IKBKB: variants seen among roughly 807,000 people sequenced by gnomAD.
The protein encoded by IKBKB is inhibitor of nuclear factor kappa B kinase subunit beta, also known as inhibitor of nuclear factor kappa-B kinase subunit beta.
A neutral mutation model predicts 113.6 loss-of-function variants in IKBKB; 42 were observed. The ratio of observed to expected loss-of-function variants is 0.37; its 90% CI spans 0.29 to 0.48. The LOEUF is 0.48. Among genes scored for constraint, IKBKB ranks in the 20% least tolerant of loss-of-function variants. IKBKB has a pLI of 0.99. For synonymous variants in IKBKB, 296 were observed against 361.3 expected, an observed-to-expected ratio of 0.82 and a Z score of 2.05; for missense variants, 673 against 939.7, an observed-to-expected ratio of 0.72 and a Z score of 3.71.
intron 8 of IKBKB, 81 bp downstream of exon 8, chr8:42,309,106 C>T: frequency 6.9e-7 from 1 of 1,441,688 alleles, no homozygotes; most frequent in Non-Finnish European, 9.5e-7. Flanking sequence ...CCCTGGCGCC[C>T]CATCACCGGG....
intron 20 of IKBKB, among the ~76,000 whole-genome samples, chr8:42,327,632 CTTTTTTT>C (rs746891907): frequency 2.4e-5 from 3 of 122,852 alleles, no homozygotes; most frequent in Non-Finnish European, 3.4e-5. Context: ...TGCACCCAGC[CTTTTTTT>C]TTTTTTTTTT....
intron 8 of IKBKB, among the ~76,000 whole-genome samples, chr8:42,312,828 A>G (rs569410445): frequency 3.1e-4 from 47 of 152,326 alleles, no homozygotes; most frequent in African/African-American, 1.1e-3. Flanking sequence ...CCACTTGCCA[A>G]TGAGAATTGT....
chr8:42,325,476 C>T lies in IKBKB; in HGVS notation c.1987-494C>T, dbSNP rs778820848. The stretch of plus-strand genomic sequence containing the variant: ...GGCAGATCACCTGAGGTCAGGAGTT[C>T]GAGACCAGCCTGGCCAATATGGTGA... On this transcript the variant is annotated intron_variant, in intron 19 of 21. Coordinates refer to ENST00000520810, the MANE Select transcript of IKBKB (RefSeq NM_001556.3). 5 of 833,538 alleles carry T rather than the reference C, an allele frequency of 6.0e-6. No homozygotes were observed. In the South Asian group the frequency reaches 1.6e-4, roughly 27 times the overall value. The allele number at this position is 833,538 out of a possible 1,614,324, so 51.6% of individuals were successfully genotyped here. A position where few individuals can be genotyped will look rare whatever the true frequency, so the allele number is the denominator to read the frequency against.
chr8:42,303,119 A>AGAG (rs1563331980), intron 5 of IKBKB, among the ~76,000 whole-genome samples: 1 of 83,580 alleles, frequency 1.2e-5, no homozygotes, highest in Admixed American at 1.2e-4. Context: ...GAGAGAGAGA[A>AGAG]TGAGAGAGAG....
chr8:42,312,872 G>A (rs1817981068), intron 8 of IKBKB, among the ~76,000 whole-genome samples: 1 of 152,178 alleles, frequency 6.6e-6, no homozygotes, highest in South Asian at 2.1e-4. Context: ...GAATTTCCTA[G>A]ATGTTTTGAG....
At chr8:42,275,126 C>T (rs1226130128) in intron 2 of IKBKB, among the ~76,000 whole-genome samples, 2 of 152,030 alleles carry the variant, frequency 1.3e-5, no homozygotes, top group Non-Finnish European at 2.9e-5. Context: ...ATCTGCCTGC[C>T]TCGGCCTCCC....
chr8:42,322,289 A>G, intron 18 of IKBKB, 58 bp from the exon 19 acceptor site: 2 of 1,607,664 alleles, frequency 1.2e-6, no homozygotes, highest in Non-Finnish European at 1.7e-6. Flanking sequence ...CACAGCTGCC[A>G]CAGGTTCTGC....
chr8:42,329,853 A>G (rs1021842096), intron 21 of IKBKB: 2 of 985,260 alleles, frequency 2.0e-6, no homozygotes, highest in African/African-American at 3.5e-5. Context: ...ATCCTGCATC[A>G]TTTGCTTAGA....
chr8:42,319,840 A>T (rs1013664270), intron 15 of IKBKB, 194 bp downstream of exon 15: 4 of 553,140 alleles, frequency 7.2e-6, no homozygotes, highest in Non-Finnish European at 1.3e-5. Context: ...CTGTGGCCAG[A>T]TGCAAGAGCT....
In IKBKB at chr8:42,307,567, T is replaced by C. The variant is rs578225049; in HGVS notation, c.567+1135T>C. 7.8e-4 allele frequency among the ~76,000 whole-genome samples: 119 copies of C among 152,216 alleles called. 1 individual carries two copies. The highest frequency in any genetic ancestry group is 7.5e-4 in the Non-Finnish European group (51 of 68,002). ...CACAAATGCCCAGCAAGACTTGTCA[T>C]AGGTTGCTTGATGATGGCAGTAGCC... is the stretch of plus-strand genomic sequence containing the variant. On this transcript the variant is annotated intron_variant, in intron 7 of 21. Transcript: ENST00000520810.
intron 5 of IKBKB, among the ~76,000 whole-genome samples, chr8:42,294,092 C>G (rs1019623134): frequency 2.0e-5 from 3 of 152,192 alleles, no homozygotes; most frequent in African/African-American, 4.8e-5. Context: ...GGGCTGGGCG[C>G]TAAAGGTCAG....
chr8:42,319,899 G>T, intron 15 of IKBKB: 1 of 417,872 alleles, frequency 2.4e-6, no homozygotes, highest in East Asian at 3.7e-5. Flanking sequence ...GCAAGGGTTA[G>T]GTTCCCTTGG....
intron 8 of IKBKB, among the ~76,000 whole-genome samples, chr8:42,313,144 C>T (rs1818040673): frequency 6.6e-6 from 1 of 152,092 alleles, no homozygotes; most frequent in Non-Finnish European, 1.5e-5. Flanking sequence ...GATTTGAAGC[C>T]ATTTGTATGT....
rs1215859349 is a variant in IKBKB, at chr8:42,316,202, C to T, written c.801-8C>T. The T allele has an allele frequency of 2.5e-6, 4 of 1,613,828 alleles. No individual in the cohort carries two copies. Among genetic ancestry groups the T allele is most frequent in the East Asian group, 2.2e-5 (1 of 44,888 alleles). On this transcript the variant is annotated splice_polypyrimidine_tract_variant and splice_region_variant and intron_variant, in intron 9 of 21. Transcript: ENST00000520810. This position sits in a 1 kb window ranked among gnomAD's most constrained non-coding sequence, Gnocchi z 4.5. ...GTGTCTCCTCACACACTATGCTCCT[C>T]TCCACAGTGTCCTGGCTGAGCGACT...
Position 42,331,092 on chromosome 8 carries a change from T to C in IKBKB, c.*113T>C. 1 of 1,528,324 alleles carries C rather than the reference T, an allele frequency of 6.5e-7. No homozygotes were observed. The highest frequency in any genetic ancestry group is 8.9e-7 in the Non-Finnish European group (1 of 1,126,684). The allele number at this position is 1,528,324 out of a possible 1,614,324, so 94.7% of individuals were successfully genotyped here. Reference sequence around the variant, plus strand: ...TGGAGCAGGCCGCGTGACGTGGGGCTGCCTGGCCGCGGCTCTCACATGGTG... The same window carrying C: ...TGGAGCAGGCCGCGTGACGTGGGGCCGCCTGGCCGCGGCTCTCACATGGTG... On this transcript the variant is annotated 3_prime_UTR_variant, in exon 22 of 22. Coordinates refer to ENST00000520810, the MANE Select transcript of IKBKB (RefSeq NM_001556.3).
intron 2 of IKBKB, among the ~76,000 whole-genome samples, chr8:42,277,735 T>C (rs932373683): frequency 6.6e-6 from 1 of 152,196 alleles, no homozygotes; most frequent in African/African-American, 2.4e-5. Context: ...GGTGAGTTCC[T>C]CTGGGCTGGT....
chr8:42,309,862 T>C (rs775297558), intron 8 of IKBKB: 2 of 152,434 alleles, frequency 1.3e-5, no homozygotes, highest in Non-Finnish European at 2.9e-5. Context: ...TGATGAAGAT[T>C]TGTAGAATTA....
intron 5 of IKBKB, among the ~76,000 whole-genome samples, chr8:42,303,687 A>G (rs1363633841): frequency 6.6e-6 from 1 of 152,002 alleles, no homozygotes; most frequent in Non-Finnish European, 1.5e-5. Context: ...TTGTATTTTT[A>G]GTAGATACAG....
intron 2 of IKBKB, among the ~76,000 whole-genome samples, chr8:42,274,785 C>CCA (rs1563290501): frequency 1.5e-4 from 3 of 20,430 alleles, no homozygotes; most frequent in Non-Finnish European, 2.6e-4. Context: ...CCCGCCGGCG[C>CCA]GCCCCCCCCC....
Sources: gnomAD v4.1 joint callset for allele counts (sites outside exome capture counted in the v4.1 genomes callset) on GRCh38, gnomAD v4.1.1 for gene constraint, Gnocchi (gnomAD v3.1) non-coding constraint, MANE v1.5 for transcripts, NCBI Gene and HGNC (gene_info 2026-07-23, HGNC 2026-07-21) for gene names.